Variants in DOCK1 observed in about 807,000 individuals in gnomAD.
DOCK1 encodes dedicator of cytokinesis protein 1.
Under a neutral mutation model 262.7 loss-of-function variants are expected in DOCK1, and 138 were observed. The observed-to-expected ratio is 0.53, with a 90% CI of 0.46 to 0.61. The LOEUF (loss-of-function observed/expected upper bound fraction) is 0.61. Among genes scored for constraint, DOCK1 ranks in the 20% least tolerant of loss-of-function variants. The pLI is 0.00. For synonymous variants in DOCK1, 866 were observed against 867.4 expected (o/e 1.00, Z 0.03); for missense variants, 1,908 against 2,370.7 (o/e 0.80, Z 4.05).
In DOCK1 at chr10:126,990,608, G is replaced by T; in HGVS notation, c.473+5G>T. The T allele has an allele frequency of 6.2e-7, 1 of 1,612,722 alleles. No homozygotes were observed. Among genetic ancestry groups the T allele is most frequent in the Non-Finnish European group, 8.5e-7 (1 of 1,179,274 alleles). ...CAAAATTGATTATGGAAACAGGTTT[G>T]TTTATTTGAAAGATGATTTTACGCT... On this transcript the variant is annotated splice_donor_5th_base_variant and intron_variant, in intron 6 of 51. Coordinates refer to ENST00000623213, the MANE Select transcript of DOCK1 (RefSeq NM_001290223.2).
chr10:127,282,918 T>C (rs73382443), intron 29 of DOCK1, among the ~76,000 whole-genome samples: 3,505 of 152,330 alleles, frequency 0.023, 123 homozygotes, highest in African/African-American at 0.079. Context: ...GCGTGTATCC[T>C]ACCAACTGTG....
At chr10:127,179,934 G>A (rs1013410939) in intron 27 of DOCK1, among the ~76,000 whole-genome samples, 3 of 152,100 alleles carry the variant, frequency 2.0e-5, no homozygotes, top group Non-Finnish European at 4.4e-5. Context: ...TCCTTACAAG[G>A]CAGCCACTAT....
intron 27 of DOCK1, among the ~76,000 whole-genome samples, chr10:127,198,558 A>G (rs912134925): frequency 1.3e-5 from 2 of 152,210 alleles, no homozygotes; most frequent in Non-Finnish European, 2.9e-5. Flanking sequence ...GCTATCTGAG[A>G]TTCGCATGAT....
At chr10:127,162,607 G>C (rs2053682396) in intron 27 of DOCK1, among the ~76,000 whole-genome samples, 1 of 152,162 alleles carries the variant, frequency 6.6e-6, no homozygotes, top group Non-Finnish European at 1.5e-5. Context: ...CAGGAATCGA[G>C]ATTTAAACCC....
At chr10:127,405,267 G>T (rs1169397560) in intron 40 of DOCK1, among the ~76,000 whole-genome samples, 1 of 152,172 alleles carries the variant, frequency 6.6e-6, no homozygotes, top group Admixed American at 6.5e-5. Flanking sequence ...AGCAGTAACC[G>T]TGATCACCTG....
intron 27 of DOCK1, among the ~76,000 whole-genome samples, chr10:127,142,191 T>G (rs571058618): frequency 6.6e-6 from 1 of 152,230 alleles, no homozygotes; most frequent in Non-Finnish European, 1.5e-5. Context: ...CCAGACGTGC[T>G]GTGTGCACCT....
intron 29 of DOCK1, among the ~76,000 whole-genome samples, chr10:127,262,094 G>A (rs1031485155): frequency 3.6e-5 from 5 of 138,088 alleles, no homozygotes; most frequent in East Asian, 4.4e-4. Flanking sequence ...GTGTGTACCC[G>A]TGCTCCTCTG....
intron 29 of DOCK1, among the ~76,000 whole-genome samples, chr10:127,294,960 A>G (rs1442108397): frequency 1.3e-5 from 2 of 152,156 alleles, no homozygotes; most frequent in Non-Finnish European, 2.9e-5. Flanking sequence ...CTATTCTTAA[A>G]TAAGGATAGC....
intron 1 of DOCK1, among the ~76,000 whole-genome samples, chr10:126,912,721 A>G (rs1401453042): frequency 8.6e-5 from 7 of 81,728 alleles, no homozygotes; most frequent in African/African-American, 2.3e-4. Flanking sequence ...GTGAGACTCC[A>G]TCTCGGAAAA....
Position 127,260,871 on chromosome 10 carries a change from A to G in DOCK1, c.3044+3442A>G, listed in dbSNP as rs1433451771. Among the ~76,000 whole-genome samples, 61 of 72,620 alleles carry G rather than the reference A, an allele frequency of 8.4e-4. 1 individual carries two copies. Among genetic ancestry groups the G allele is most frequent in the African/African-American group, 2.3e-3 (37 of 15,816 alleles). The allele number at this position is 72,620 out of a possible 152,430, so 47.6% of individuals were successfully genotyped here. On this transcript the variant is annotated intron_variant, in intron 29 of 51. Transcript: ENST00000623213. ...TACCCGTGCTCATCTGTGTGTGTGC[A>G]TGTGTGTGTGTGTGTACCCGTGCTC...
At chr10:127,435,303 C>T (rs913626603) in intron 48 of DOCK1, among the ~76,000 whole-genome samples, 1 of 152,176 alleles carries the variant, frequency 6.6e-6, no homozygotes, top group African/African-American at 2.4e-5. Flanking sequence ...ATCACCCTAT[C>T]AAACCCACAG....
intron 25 of DOCK1, among the ~76,000 whole-genome samples, chr10:127,124,117 C>T (rs1349411609): frequency 6.6e-6 from 1 of 152,200 alleles, no homozygotes; most frequent in Non-Finnish European, 1.5e-5. Flanking sequence ...TTGTTTCTCT[C>T]TGCCTGCTCC....
intron 4 of DOCK1, among the ~76,000 whole-genome samples, chr10:126,984,288 A>G (rs939438011): frequency 1.3e-5 from 2 of 152,182 alleles, no homozygotes; most frequent in Non-Finnish European, 2.9e-5. Flanking sequence ...TTGGGTGAGC[A>G]TCTGCTATGT....
rs1383997202 is a variant in DOCK1, at chr10:126,952,398, C to T, written c.47-18304C>T. 1.6e-4 allele frequency among the ~76,000 whole-genome samples: 22 copies of T among 135,936 alleles called. No individual in the cohort carries two copies. The East Asian group carries it at 2.1e-3, about 13-fold the overall frequency. The allele number at this position is 135,936 out of a possible 152,430, so 89.2% of individuals were successfully genotyped here. On this transcript the variant is annotated intron_variant, in intron 1 of 51. Coordinates refer to ENST00000623213, the MANE Select transcript of DOCK1 (RefSeq NM_001290223.2). ...ATTGTTGGTAGTGTTGGTGATGTGGCGGTAGTATTGTTGGTAGTGTTGGTG... is the reference window on the plus strand; with the variant it reads ...ATTGTTGGTAGTGTTGGTGATGTGGTGGTAGTATTGTTGGTAGTGTTGGTG...
chr10:126,974,469 C>T (rs574853467), intron 2 of DOCK1, among the ~76,000 whole-genome samples: 17 of 152,258 alleles, frequency 1.1e-4, no homozygotes, highest in South Asian at 2.1e-4. Flanking sequence ...TTGCCTGTTC[C>T]CTGGGTGGAT....
At position 127,032,239 on chromosome 10, in the gene DOCK1, C is replaced by T. The variant is rs1332274941; in HGVS notation, c.1831C>T (p.Gln611Ter). The change falls in exon 18 of 52, where the codon CAG becomes TAG. Residue 611 changes from glutamine to a stop codon, truncating the protein, a stop_gained. Coordinates refer to ENST00000623213, the MANE Select transcript of DOCK1 (RefSeq NM_001290223.2). LOFTEE classifies it high-confidence loss of function. ...CCACTCGGCCACCGGCAAGAGCATGCAGAGCCTTGGGAGCTGCACCATTAG... is the reference window on the plus strand; with the variant it reads ...CCACTCGGCCACCGGCAAGAGCATGTAGAGCCTTGGGAGCTGCACCATTAG... ...KGHSATGKSM[Q>*]SLGSCTISKD... The T allele has an allele frequency of 1.2e-6, 2 of 1,600,904 alleles. No individual in the cohort carries two copies. Among genetic ancestry groups the T allele is most frequent in the Non-Finnish European group, 1.7e-6 (2 of 1,173,820 alleles).
chr10:127,144,937 T>G (rs1417311535), intron 27 of DOCK1, among the ~76,000 whole-genome samples: 1 of 151,830 alleles, frequency 6.6e-6, no homozygotes, highest in Non-Finnish European at 1.5e-5. Context: ...GAACAAGAAA[T>G]TATGATTATA....
chr10:126,931,661 C>A (rs1356666128), intron 1 of DOCK1, among the ~76,000 whole-genome samples: 1 of 152,122 alleles, frequency 6.6e-6, no homozygotes, highest in Non-Finnish European at 1.5e-5. Flanking sequence ...TCCACATTCC[C>A]ATGTATTTCA....
At chr10:127,069,368 T>G (rs2046071609) in intron 23 of DOCK1, among the ~76,000 whole-genome samples, 1 of 152,172 alleles carries the variant, frequency 6.6e-6, no homozygotes, top group Non-Finnish European at 1.5e-5. Context: ...TTCCACTCCC[T>G]CTGACCTGAC....
Sources: gnomAD v4.1 joint callset for allele counts (sites outside exome capture counted in the v4.1 genomes callset) on GRCh38, gnomAD v4.1.1 for gene constraint, MANE v1.5 for transcripts, NCBI Gene and HGNC (gene_info 2026-07-23, HGNC 2026-07-21) for gene names.